Variants in FAM124B observed in about 807,000 individuals in gnomAD.
FAM124B encodes family with sequence similarity 124 member B.
FAM124B carries 18 observed loss-of-function variants against 19.7 expected under a neutral mutation model. The ratio of observed to expected loss-of-function variants is 0.92; its 90% CI spans 0.63 to 1.36. FAM124B has a LOEUF of 1.36. Among genes scored for constraint, FAM124B ranks in the 40% most tolerant of loss-of-function variants. FAM124B has a pLI of 0.00. For missense variants in FAM124B, 540 were observed against 553.3 expected (o/e 0.98, Z 0.24); for synonymous variants, 223 against 225.2 (o/e 0.99, Z 0.09).
chr2:224,401,565 G>A lies in FAM124B; in HGVS notation c.204C>T (p.Ser68=), dbSNP rs746049283. 18 of 1,614,006 alleles carry A rather than the reference G, an allele frequency of 1.1e-5. No individual in the cohort carries two copies. Among genetic ancestry groups the A allele is most frequent in the East Asian group, 2.2e-5 (1 of 44,886 alleles). ...GGCTTTCGTGCAGGAAGAGCAACAC[G>A]GACATCCCTGGAAACCGGGACCGCT... ...HSKRSRFPGM[S]VLLFLHESPG... Residue 68 remains serine (S), a synonymous_variant, in exon 1 of 2, where the codon TCC becomes TCT. Transcript: ENST00000409685.
At chr2:224,386,724 A>G (rs1689806020) in intron 1 of FAM124B, among the ~76,000 whole-genome samples, 1 of 152,210 alleles carries the variant, frequency 6.6e-6, no homozygotes, top group South Asian at 2.1e-4. Context: ...TTGTTATCGT[A>G]TGTCCAGTGC....
intron 1 of FAM124B, among the ~76,000 whole-genome samples, chr2:224,392,703 C>T (rs1027309512): frequency 2.0e-5 from 3 of 150,190 alleles, no homozygotes; most frequent in African/African-American, 4.9e-5. Context: ...TGCAATGAGC[C>T]GAGATCACAC....
rs868784598 is a variant in FAM124B, at chr2:224,379,744, G to T, written c.1197C>A (p.Ser399=). The change falls in exon 2 of 2, where the codon TCC becomes TCA. Residue 399 remains serine, a synonymous_variant. Coordinates refer to ENST00000409685, the MANE Select transcript of FAM124B (RefSeq NM_001122779.2). ...TGTTTTTGGAGGTAGCCACCCCCAA[G>T]GAAGAGGCTGGCAAGCAGAATGGTG... ...SQPPFCLPAS[S]LGVATSKNNS... The T allele has an allele frequency of 6.4e-7, 1 of 1,551,726 alleles. No individual in the cohort carries two copies. The highest frequency in any genetic ancestry group is 8.7e-7 in the Non-Finnish European group (1 of 1,146,994).
At chr2:224,380,308 T>C in intron 1 of FAM124B, 100 bp from the exon 2 acceptor site, 3 of 1,066,200 alleles carry the variant, frequency 2.8e-6, no homozygotes, top group Non-Finnish European at 4.0e-6. Flanking sequence ...GCCATGCCCA[T>C]AGCAGACTTT....
At chr2:224,384,911 C>T (rs541706783) in intron 1 of FAM124B, among the ~76,000 whole-genome samples, 2 of 152,154 alleles carry the variant, frequency 1.3e-5, no homozygotes, top group South Asian at 4.2e-4. Context: ...CTCTCTCCCT[C>T]TCCTTCTCTT....
At chr2:224,393,567 T>C (rs1689922360) in intron 1 of FAM124B, among the ~76,000 whole-genome samples, 1 of 152,124 alleles carries the variant, frequency 6.6e-6, no homozygotes, top group Non-Finnish European at 1.5e-5. Context: ...CAGTCACCCT[T>C]ATCAAGGAAA....
At chr2:224,386,008 A>G (rs575210528) in intron 1 of FAM124B, among the ~76,000 whole-genome samples, 2 of 152,100 alleles carry the variant, frequency 1.3e-5, no homozygotes, top group East Asian at 1.9e-4. Context: ...GGATCACACC[A>G]CACCATCGTC....
intron 1 of FAM124B, among the ~76,000 whole-genome samples, chr2:224,381,643 T>C (rs1689719349): frequency 6.6e-6 from 1 of 152,152 alleles, no homozygotes; most frequent in Non-Finnish European, 1.5e-5. Context: ...ACCCACAGAA[T>C]GTACGACACC....
rs1690085192 is a variant in FAM124B at position 224,402,043 on chromosome 2, T to C, written c.-275A>G. The C allele has an allele frequency of 1.2e-5, 5 of 417,790 alleles. No individual in the cohort carries two copies. Among genetic ancestry groups the C allele is most frequent in the Non-Finnish European group, 2.2e-5 (5 of 231,348 alleles). The allele number at this position is 417,790 out of a possible 1,614,324, so 25.9% of individuals were successfully genotyped here. ...TCATCCAGCTTGTGCATAATGTAAC[T>C]GCTTGTGTTTAGCCTTTTCAGGCGT... On this transcript the variant is annotated 5_prime_UTR_variant, in exon 1 of 2. Transcript: ENST00000409685.
chr2:224,396,828 A>T (rs1689979675), intron 1 of FAM124B, among the ~76,000 whole-genome samples: 1 of 152,218 alleles, frequency 6.6e-6, no homozygotes, highest in Admixed American at 6.5e-5. Context: ...ATCCACATGA[A>T]GGATGTAACC....
intron 1 of FAM124B, among the ~76,000 whole-genome samples, chr2:224,397,614 C>CA (rs989381759): frequency 1.1e-4 from 17 of 152,090 alleles, no homozygotes; most frequent in Non-Finnish European, 2.2e-4. Context: ...ATGACTTTGA[C>CA]AAAAATGCTG....
chr2:224,401,944 A>T lies in FAM124B; in HGVS notation c.-176T>A, dbSNP rs1173570241. On this transcript the variant is annotated 5_prime_UTR_variant, in exon 1 of 2. Transcript: ENST00000409685. Reference sequence around the variant, plus strand: ...AACACGTGCTCCTGGCCACCCGTGGACTTACGGCAAGAGAAGCTCACACCA... The same window carrying T: ...AACACGTGCTCCTGGCCACCCGTGGTCTTACGGCAAGAGAAGCTCACACCA... The T allele has an allele frequency of 1.4e-6, 1 of 692,446 alleles. No homozygotes were observed. The highest frequency in any genetic ancestry group is 1.8e-5 in the African/African-American group (1 of 55,620). The allele number at this position is 692,446 out of a possible 1,614,324, so 42.9% of individuals were successfully genotyped here.
At chr2:224,387,762 TA>T (rs1175219924) in intron 1 of FAM124B, among the ~76,000 whole-genome samples, 2 of 152,034 alleles carry the variant, frequency 1.3e-5, no homozygotes, top group Non-Finnish European at 2.9e-5. Flanking sequence ...TGAGAGACAC[TA>T]AGAGGGAGTT....
intron 1 of FAM124B, among the ~76,000 whole-genome samples, chr2:224,387,163 G>A (rs1689812439): frequency 6.6e-6 from 1 of 152,184 alleles, no homozygotes; most frequent in Admixed American, 6.5e-5. Context: ...AAATTGAAAT[G>A]CATTTGTAGG....
At chr2:224,385,423 T>C (rs1689787825) in intron 1 of FAM124B, among the ~76,000 whole-genome samples, 1 of 152,208 alleles carries the variant, frequency 6.6e-6, no homozygotes, top group South Asian at 2.1e-4. Context: ...CCCTTGTTGG[T>C]TTATTTAATG....
At chr2:224,400,507 T>A in intron 1 of FAM124B, 1 of 688,650 alleles carries the variant, frequency 1.5e-6, no homozygotes, top group Non-Finnish European at 2.6e-6. Flanking sequence ...CTCCCATCTC[T>A]AAAAAATAAA....
chr2:224,379,351 C>G lies in FAM124B; in HGVS notation c.*222G>C. 1.7e-6 allele frequency: 1 copy of G among 604,516 alleles called. No individual in the cohort carries two copies. Among genetic ancestry groups the G allele is most frequent in the Non-Finnish European group, 2.6e-6 (1 of 382,992 alleles). The allele number at this position is 604,516 out of a possible 1,614,324, so 37.4% of individuals were successfully genotyped here. A position where few individuals can be genotyped will look rare whatever the true frequency, so the allele number is the denominator to read the frequency against. On this transcript the variant is annotated 3_prime_UTR_variant, in exon 2 of 2. Coordinates refer to ENST00000409685, the MANE Select transcript of FAM124B (RefSeq NM_001122779.2). ...GGAACAAAAGCATTCGGTTTTTTTCCCTGTGTGTTGGCTGTGTTCTCTTAT... is the reference window on the plus strand; with the variant it reads ...GGAACAAAAGCATTCGGTTTTTTTCGCTGTGTGTTGGCTGTGTTCTCTTAT...
Position 224,379,866 on chromosome 2 carries a change from C to T in FAM124B, c.1075G>A (p.Ala359Thr). The T allele has an allele frequency of 6.4e-7, 1 of 1,552,124 alleles. No individual in the cohort carries two copies. Among genetic ancestry groups the T allele is most frequent in the South Asian group, 1.2e-5 (1 of 84,066 alleles). Residue 359 changes from alanine (A) to threonine (T), a missense_variant, in exon 2 of 2, where the codon GCC becomes ACC. By Grantham distance (58) the Ala-to-Thr change is moderately conservative (BLOSUM62 0). Coordinates refer to ENST00000409685, the MANE Select transcript of FAM124B (RefSeq NM_001122779.2). ...AAGCCGGTGTCAACATTCGTCTCGG[C>T]CTCAAGCTTCTGAAAGCTGTTTTCC... ...NRENSFQKLE[A>T]ETNVDTGLTI...
Position 224,401,353 on chromosome 2 carries a change from C to T in FAM124B, c.416G>A (p.Arg139Lys). The T allele has an allele frequency of 1.2e-6, 2 of 1,614,030 alleles. No homozygotes were observed. Among genetic ancestry groups the T allele is most frequent in the Non-Finnish European group, 1.7e-6 (2 of 1,180,012 alleles). The change falls in exon 1 of 2, where the codon AGG becomes AAG. Residue 139 changes from arginine (R) to lysine (K), a missense_variant. Arg to Lys is a conservative substitution (Grantham distance 26). Coordinates refer to ENST00000409685, the MANE Select transcript of FAM124B (RefSeq NM_001122779.2). ...RQVHCGSEIL[R>K]VTLYCSFDNY... ...ATCAAAACTGCAGTACAGCGTCACCCTCAGGATCTCGGAGCCACAGTGCAC... is the reference window on the plus strand; with the variant it reads ...ATCAAAACTGCAGTACAGCGTCACCTTCAGGATCTCGGAGCCACAGTGCAC...
Sources: gnomAD v4.1 joint callset for allele counts (sites outside exome capture counted in the v4.1 genomes callset) on GRCh38, gnomAD v4.1.1 for gene constraint, MANE v1.5 for transcripts, NCBI Gene and HGNC (gene_info 2026-07-23, HGNC 2026-07-21) for gene names.